ASTN1: variants seen among roughly 807,000 people sequenced by gnomAD.
ASTN1 encodes astrotactin-1.
A neutral mutation model predicts 140.7 loss-of-function variants in ASTN1; 41 were observed. The ratio of observed to expected loss-of-function variants is 0.29; its 90% CI spans 0.23 to 0.38. ASTN1 has a LOEUF of 0.38. ASTN1 is among the 10% of genes least tolerant of loss of function. ASTN1 has a pLI of 1.00. For synonymous variants in ASTN1, 640 were observed against 652.2 expected (o/e 0.98, Z 0.29); for missense variants, 1,479 against 1,678.8 (o/e 0.88, Z 2.08).
chr1:177,096,641 T>A (rs1680038256), intron 1 of ASTN1, among the ~76,000 whole-genome samples: 1 of 152,150 alleles, frequency 6.6e-6, no homozygotes, highest in Non-Finnish European at 1.5e-5. Flanking sequence ...CTCTTGATAG[T>A]GAAAAAGTCT....
intron 8 of ASTN1, among the ~76,000 whole-genome samples, chr1:176,991,435 C>CCAAAAAAAAAAAAAAAAAAAAA (rs1674163660): frequency 5.3e-4 from 3 of 5,704 alleles, no homozygotes; most frequent in African/African-American, 1.5e-3. Context: ...AAAAAAAAAA[C>CCAAAAAAAAAAAAAAAAAAAAA]CAAAAAAAAA....
chr1:176,858,356 TTGA>T (rs1481618954), downstream of ASTN1, among the ~76,000 whole-genome samples: 1 of 152,244 alleles, frequency 6.6e-6, no homozygotes, highest in Admixed American at 6.5e-5. Context: ...AACTGCTCAC[TTGA>T]TGTGACAATA....
chr1:176,999,476 T>C (rs1674614575), intron 8 of ASTN1, among the ~76,000 whole-genome samples: 1 of 152,232 alleles, frequency 6.6e-6, no homozygotes. Context: ...ATATGTTCAA[T>C]GATCATCAGT....
intron 1 of ASTN1, among the ~76,000 whole-genome samples, chr1:177,122,750 C>A (rs1681464615): frequency 6.6e-6 from 1 of 152,166 alleles, no homozygotes; most frequent in Non-Finnish European, 1.5e-5. Flanking sequence ...GGCCTTCCTG[C>A]AAGAGAGGTG....
intron 14 of ASTN1, among the ~76,000 whole-genome samples, chr1:176,937,377 G>A (rs1434248422): frequency 2.0e-5 from 3 of 152,174 alleles, no homozygotes; most frequent in South Asian, 4.1e-4. Flanking sequence ...ATAGTCGTGT[G>A]CTGTCTCCTT....
chr1:177,069,954 C>T (rs1051523687), intron 1 of ASTN1, among the ~76,000 whole-genome samples: 2 of 152,006 alleles, frequency 1.3e-5, no homozygotes, highest in Admixed American at 6.5e-5. Flanking sequence ...ATATCTATTT[C>T]TATTCTCCAC....
chr1:177,129,707 G>A (rs538738216), intron 1 of ASTN1, among the ~76,000 whole-genome samples: 6 of 152,262 alleles, frequency 3.9e-5, no homozygotes, highest in Admixed American at 1.3e-4. Flanking sequence ...GGTGGCTCAC[G>A]CCTGTAATCC....
chr1:177,014,716 C>T, intron 8 of ASTN1, 75 bp downstream of exon 8: 1 of 1,358,398 alleles, frequency 7.4e-7, no homozygotes, highest in Non-Finnish European at 1.0e-6. Flanking sequence ...CCTCTCCATG[C>T]AGTTGCTCCA....
rs762480219 is a variant in ASTN1, at chr1:177,164,569, C to T, written c.108G>A (p.Lys36=). 6.2e-7 allele frequency: 1 copy of T among 1,613,926 alleles called. No homozygotes were observed. Among genetic ancestry groups the T allele is most frequent in the Admixed American group, 1.7e-5 (1 of 60,022 alleles). Residue 36 remains lysine, a synonymous_variant, in exon 1 of 23, where the codon AAG becomes AAA. Transcript: ENST00000361833. ...DVDPSKELEC[K]LKSITVSALP... Reference sequence around the variant, plus strand: ...GTGCCGACACCGTGATGCTTTTGAGCTTGCACTCCAGCTCCTTGGATGGAT... The same window carrying T: ...GTGCCGACACCGTGATGCTTTTGAGTTTGCACTCCAGCTCCTTGGATGGAT...
chr1:177,115,824 A>G (rs1681059460), intron 1 of ASTN1, among the ~76,000 whole-genome samples: 1 of 152,274 alleles, frequency 6.6e-6, no homozygotes, highest in African/African-American at 2.4e-5. Context: ...TCTGGGGAAT[A>G]ATATTCCTTC....
chr1:177,087,740 G>A (rs555832188), intron 1 of ASTN1, among the ~76,000 whole-genome samples: 1 of 152,328 alleles, frequency 6.6e-6, no homozygotes, highest in South Asian at 2.1e-4. Context: ...AGAGCCCAAG[G>A]TGCTTGTGGG....
intron 1 of ASTN1, among the ~76,000 whole-genome samples, chr1:177,065,293 A>T (rs1678300873): frequency 6.6e-6 from 1 of 152,066 alleles, no homozygotes; most frequent in Non-Finnish European, 1.5e-5. Context: ...TCCTCCACAA[A>T]CCTCACATCC....
intron 16 of ASTN1, among the ~76,000 whole-genome samples, chr1:176,911,564 T>A (rs1475526479): frequency 6.6e-6 from 1 of 152,150 alleles, no homozygotes; most frequent in Non-Finnish European, 1.5e-5. Flanking sequence ...CTTTGTAAAC[T>A]TTTTTGTTAA....
At chr1:177,150,237 G>A (rs1201036074) in intron 1 of ASTN1, among the ~76,000 whole-genome samples, 3 of 152,038 alleles carry the variant, frequency 2.0e-5, no homozygotes, top group Non-Finnish European at 2.9e-5. Context: ...GAAGTGAGAG[G>A]AAGGGATGAC....
At position 176,957,759 on chromosome 1, in the gene ASTN1, G is replaced by A. The variant is rs370987824; in HGVS notation, c.1806C>T (p.Arg602=). ...EVLLDSFGPV[R]DCSKDNGGCS... Reference sequence around the variant, plus strand: ...AGCCCCCGTTATCTTTGCTGCAGTCGCGCACCGGCCCAAAGGAATCTAAGA... The same window carrying A: ...AGCCCCCGTTATCTTTGCTGCAGTCACGCACCGGCCCAAAGGAATCTAAGA... The change falls in exon 11 of 23, where the codon CGC becomes CGT. Residue 602 remains arginine, a synonymous_variant. Transcript: ENST00000361833. 33 of 1,613,916 alleles carry A rather than the reference G, an allele frequency of 2.0e-5. No homozygotes were observed. Among genetic ancestry groups the A allele is most frequent in the African/African-American group, 4.0e-5 (3 of 74,904 alleles).
intron 1 of ASTN1, among the ~76,000 whole-genome samples, chr1:177,120,386 GA>G (rs1376312893): frequency 6.6e-6 from 1 of 152,170 alleles, no homozygotes; most frequent in Non-Finnish European, 1.5e-5. Flanking sequence ...TCTGGTCACA[GA>G]AAGGCTTTCT....
chr1:177,101,697 T>C lies in ASTN1; in HGVS notation c.284-40432A>G, dbSNP rs551528073. Among the ~76,000 whole-genome samples the C allele has an allele frequency of 2.7e-4, 41 of 152,266 alleles. 1 individual carries two copies. Among genetic ancestry groups the C allele is most frequent in the African/African-American group, 8.9e-4 (37 of 41,540 alleles). On this transcript the variant is annotated intron_variant, in intron 1 of 22. Coordinates refer to ENST00000361833, the MANE Select transcript of ASTN1 (RefSeq NM_004319.3). The stretch of plus-strand genomic sequence containing the variant: ...TATGCTTTACATGAATGTATGTATA[T>C]GTCATTTAAAAAAATTGGAAGCCCT...
intron 1 of ASTN1, among the ~76,000 whole-genome samples, chr1:177,075,593 C>G (rs1466450223): frequency 6.7e-6 from 1 of 149,902 alleles, no homozygotes; most frequent in Non-Finnish European, 1.5e-5. Context: ...TTTTCTTTTT[C>G]TGAGCAACAT....
At chr1:177,126,765 C>T (rs995106979) in intron 1 of ASTN1, among the ~76,000 whole-genome samples, 2 of 152,160 alleles carry the variant, frequency 1.3e-5, no homozygotes, top group Admixed American at 1.3e-4. Flanking sequence ...TGCTCATTCT[C>T]TTCATTTTTG....
Sources: allele counts gnomAD v4.1 joint callset (sites outside exome capture counted in the v4.1 genomes callset), GRCh38; gene constraint gnomAD v4.1.1; transcripts MANE v1.5; gene names NCBI Gene and HGNC (gene_info 2026-07-23, HGNC 2026-07-21).